SLC14A2: variants seen among roughly 807,000 people sequenced by gnomAD.
SLC14A2 encodes the protein solute carrier family 14 member 2, also known as urea transporter 2.
In SLC14A2, 91 loss-of-function variants were observed where a neutral mutation model predicts 104.6. The observed-to-expected ratio is 0.87, with a 90% CI of 0.73 to 1.04. The LOEUF is 1.04. Among genes scored for constraint, SLC14A2 ranks in the 50% least tolerant of loss-of-function variants. The pLI, the probability that SLC14A2 is intolerant of heterozygous loss-of-function variation, is 0.00. For missense variants in SLC14A2, 1,189 were observed against 1,156.0 expected (o/e 1.03, Z -0.41); for synonymous variants, 476 against 466.4 (o/e 1.02, Z -0.27).
intron 1 of SLC14A2, among the ~76,000 whole-genome samples, chr18:45,482,215 G>T (rs923897314): frequency 5.3e-5 from 8 of 152,142 alleles, no homozygotes; most frequent in African/African-American, 7.2e-5. Context: ...ATTCATTGCA[G>T]CCCTGTTTAT....
At chr18:45,306,182 A>C (rs2085019397) in intron 1 of SLC14A2, among the ~76,000 whole-genome samples, 1 of 152,012 alleles carries the variant, frequency 6.6e-6, no homozygotes. Context: ...TAGCTTCCCC[A>C]CTGCAGTGAG....
chr18:45,194,643 A>ATTT, the SLC14A2 span, among the ~76,000 whole-genome samples: 20,294 of 108,732 alleles, frequency 0.19, 2,942 homozygotes, highest in South Asian at 0.23. Flanking sequence ...TTGGTCTGTA[A>ATTT]TTTTTTTTTT....
chr18:45,451,244 G>A (rs1414515735), intron 1 of SLC14A2, among the ~76,000 whole-genome samples: 2 of 152,064 alleles, frequency 1.3e-5, no homozygotes, highest in African/African-American at 4.8e-5. Flanking sequence ...AAATAGGCAG[G>A]GCCCTGAAAG....
chr18:45,265,852 A>T (rs1216325937), intron 1 of SLC14A2, among the ~76,000 whole-genome samples: 1 of 152,170 alleles, frequency 6.6e-6, no homozygotes, highest in African/African-American at 2.4e-5. Flanking sequence ...TTTGTTAAGC[A>T]CCTAATGTGT....
intron 1 of SLC14A2, among the ~76,000 whole-genome samples, chr18:45,291,297 A>G (rs984131035): frequency 1.3e-5 from 2 of 152,184 alleles, no homozygotes; most frequent in Non-Finnish European, 2.9e-5. Flanking sequence ...AGAGTAAGAA[A>G]AAAAAAAGAG....
chr18:45,172,681 G>A, the SLC14A2 span, among the ~76,000 whole-genome samples: 2 of 152,102 alleles, frequency 1.3e-5, no homozygotes, highest in African/African-American at 4.8e-5. Flanking sequence ...AAAACTCAGA[G>A]AAGTGAATTT....
intron 1 of SLC14A2, among the ~76,000 whole-genome samples, chr18:45,337,856 G>A (rs964877998): frequency 8.5e-5 from 13 of 152,128 alleles, no homozygotes; most frequent in Non-Finnish European, 1.5e-4. Flanking sequence ...CATCTTTAGT[G>A]GGGAAAATTT....
At chr18:45,644,725 A>T (rs573291660) in intron 10 of SLC14A2, among the ~76,000 whole-genome samples, 1 of 152,310 alleles carries the variant, frequency 6.6e-6, no homozygotes, top group South Asian at 2.1e-4. Context: ...TTAACCATTC[A>T]GTGGTCTTTG....
intron 1 of SLC14A2, among the ~76,000 whole-genome samples, chr18:45,483,016 T>C (rs1364703376): frequency 6.6e-6 from 1 of 152,234 alleles, no homozygotes; most frequent in African/African-American, 2.4e-5. Flanking sequence ...TAAATATTCA[T>C]GAAACACTCT....
intron 1 of SLC14A2, among the ~76,000 whole-genome samples, chr18:45,466,287 G>T (rs976949697): frequency 3.3e-5 from 5 of 151,900 alleles, no homozygotes; most frequent in African/African-American, 7.3e-5. Context: ...AAAGAAGGGG[G>T]TAGAGGGAAA....
At position 45,355,262 on chromosome 18, in the gene SLC14A2, A is replaced by G. The variant is rs551138875; in HGVS notation, c.-124-127971A>G. Among the ~76,000 whole-genome samples the G allele has an allele frequency of 4.6e-5, 7 of 152,236 alleles. No individual in the cohort carries two copies. In the South Asian group the frequency reaches 1.2e-3, roughly 27 times the overall value. ...AACTTTATGATGCTAATAGAGATAT[A>G]TCTCTAATCCTATAGAGATATAAGA... On this transcript the variant is annotated intron_variant, in intron 1 of 20. Transcript: ENST00000586448.
intron 1 of SLC14A2, among the ~76,000 whole-genome samples, chr18:45,418,540 G>A (rs2086303320): frequency 6.6e-6 from 1 of 152,228 alleles, no homozygotes; most frequent in Admixed American, 6.5e-5. Context: ...CAAGGACCCA[G>A]GTTCACATCC....
intron 2 of SLC14A2, chr18:45,528,052 T>A (rs1489084923): frequency 6.6e-6 from 1 of 152,074 alleles, no homozygotes; most frequent in African/African-American, 2.4e-5. Flanking sequence ...GACATCCATG[T>A]GGGAATTATT....
At chr18:45,234,512 GCTTCCAAAACATCAC>G (rs202186351) in intron 1 of SLC14A2, among the ~76,000 whole-genome samples, 2,870 of 152,290 alleles carry the variant, frequency 0.019, 74 homozygotes, top group African/African-American at 0.066. Flanking sequence ...TGGCTAAGAG[GCTTCCAAAACATCAC>G]TCAAAATTTT....
chr18:45,465,701 C>T (rs2087128516), intron 1 of SLC14A2, among the ~76,000 whole-genome samples: 2 of 152,152 alleles, frequency 1.3e-5, no homozygotes, highest in South Asian at 4.2e-4. Flanking sequence ...AGGAGCCCAC[C>T]TGACCCAGGA....
At chr18:45,403,857 C>T (rs1344639840) in intron 1 of SLC14A2, among the ~76,000 whole-genome samples, 1 of 152,154 alleles carries the variant, frequency 6.6e-6, no homozygotes, top group East Asian at 1.9e-4. Flanking sequence ...AGTGACTCCT[C>T]ATCACCCGTA....
At chr18:45,664,788 C>T (rs1268416278) in intron 11 of SLC14A2, among the ~76,000 whole-genome samples, 1 of 152,158 alleles carries the variant, frequency 6.6e-6, no homozygotes, top group Non-Finnish European at 1.5e-5. Flanking sequence ...GAGGGGATTG[C>T]CGAGGACATT....
At chr18:45,449,953 G>A (rs909489130) in intron 1 of SLC14A2, among the ~76,000 whole-genome samples, 3 of 152,168 alleles carry the variant, frequency 2.0e-5, no homozygotes, top group African/African-American at 7.2e-5. Flanking sequence ...CTGGGACACA[G>A]AGAAGAGATA....
At chr18:45,318,207 G>A (rs752550016) in intron 1 of SLC14A2, among the ~76,000 whole-genome samples, 26 of 152,172 alleles carry the variant, frequency 1.7e-4, no homozygotes, top group Non-Finnish European at 3.1e-4. Context: ...AAGGCCCAAG[G>A]GACAGACACA....
Sources: gnomAD v4.1 joint callset for allele counts (sites outside exome capture counted in the v4.1 genomes callset) on GRCh38, gnomAD v4.1.1 for gene constraint, MANE v1.5 for transcripts, NCBI Gene and HGNC (gene_info 2026-07-23, HGNC 2026-07-21) for gene names.